Variants in ZC3H13 observed in about 807,000 individuals in gnomAD.
The protein encoded by ZC3H13 is zinc finger CCCH-type containing 13.
A neutral mutation model predicts 204.1 loss-of-function variants in ZC3H13; 64 were observed. The observed-to-expected ratio is 0.31, with a 90% CI of 0.26 to 0.39. The LOEUF is 0.39. Ranked by LOEUF, ZC3H13 falls within the 10% of genes least tolerant of loss-of-function variation. The probability of loss-of-function intolerance (pLI) is 1.00; values close to 1 mark genes in which losing one functional copy is unlikely to be tolerated. For missense variants in ZC3H13, 1,833 were observed against 2,082.7 expected (o/e 0.88, Z 2.33); for synonymous variants, 667 against 693.7 (o/e 0.96, Z 0.60).
chr13:46,031,331 AT>A (rs1593760357), intron 4 of ZC3H13, among the ~76,000 whole-genome samples: 1 of 152,130 alleles, frequency 6.6e-6, no homozygotes, highest in Admixed American at 6.5e-5. Context: ...GACAAAAAAA[AT>A]AAAACTCCTA....
In ZC3H13 at chr13:46,016,730, T is replaced by A. The variant is rs1020926242; in HGVS notation, c.448+3719A>T. 2.6e-5 allele frequency among the ~76,000 whole-genome samples: 4 copies of A among 152,196 alleles called. 1 individual carries two copies. In the East Asian group the frequency reaches 7.7e-4, roughly 29 times the overall value. ...ATTGTGCATTCCTCTGAACGTATAG[T>A]ATACTTCAGTAGAAAAACTTTGTAA... On this transcript the variant is annotated intron_variant, in intron 5 of 18. Transcript: ENST00000679008.
At chr13:46,012,592 G>A (rs2041638321) in intron 5 of ZC3H13, among the ~76,000 whole-genome samples, 1 of 151,890 alleles carries the variant, frequency 6.6e-6, no homozygotes, top group African/African-American at 2.4e-5. Context: ...GGACTGAGAG[G>A]GTAACTATAT....
chr13:45,975,081 A>G (rs1011712313), intron 12 of ZC3H13, among the ~76,000 whole-genome samples: 1 of 152,072 alleles, frequency 6.6e-6, no homozygotes, highest in African/African-American at 2.4e-5. Context: ...CCTGGCCTGA[A>G]GGAATCTGCC....
At chr13:46,029,419 GACT>G (rs2042736164) in intron 4 of ZC3H13, among the ~76,000 whole-genome samples, 1 of 151,260 alleles carries the variant, frequency 6.6e-6, no homozygotes, top group African/African-American at 2.4e-5. Context: ...AGAAGAGATG[GACT>G]ACTTCTTTTT....
chr13:45,997,115 G>A (rs1267084066), intron 8 of ZC3H13, among the ~76,000 whole-genome samples: 1 of 152,210 alleles, frequency 6.6e-6, no homozygotes, highest in Non-Finnish European at 1.5e-5. Flanking sequence ...GCGTAAATGA[G>A]TAGTACTCAG....
chr13:46,049,435 T>C (rs77687985), intron 1 of ZC3H13, among the ~76,000 whole-genome samples: 18 of 152,282 alleles, frequency 1.2e-4, no homozygotes, highest in African/African-American at 4.1e-4. Context: ...TGATCATCCA[T>C]GTAAAAACTT....
intron 9 of ZC3H13, 132 bp from the exon 10 acceptor site, chr13:45,985,893 G>T: frequency 1.2e-6 from 1 of 820,082 alleles, no homozygotes; most frequent in Non-Finnish European, 1.8e-6. Context: ...AAATAAAGAA[G>T]CTAAAATTCC....
At chr13:45,984,887 A>G (rs1253585139) in intron 10 of ZC3H13, among the ~76,000 whole-genome samples, 1 of 152,228 alleles carries the variant, frequency 6.6e-6, no homozygotes, top group Non-Finnish European at 1.5e-5. Flanking sequence ...ACAAATACTG[A>G]AGAATACACA....
In ZC3H13 at chr13:46,042,213, T is replaced by A; in HGVS notation, c.290A>T (p.Asp97Val). ...ERMKNKRQDV[D>V]TEPQKRNTEE... ...TGTATTTCGTTTCTGGGGCTCAGTG[T>A]CCACGTCTTGGCGCTTGTTCTTCAT... The change falls in exon 4 of 19, where the codon GAC (aspartate) becomes GTC (valine). Residue 97 changes from aspartate to valine, a missense_variant. Asp to Val is a radical substitution (Grantham distance 152). Coordinates refer to ENST00000679008, the MANE Select transcript of ZC3H13 (RefSeq NM_001330564.2). 1 of 1,613,612 alleles carries A rather than the reference T, an allele frequency of 6.2e-7. No homozygotes were observed. The highest frequency in any genetic ancestry group is 8.5e-7 in the Non-Finnish European group (1 of 1,179,590).
intron 4 of ZC3H13, among the ~76,000 whole-genome samples, chr13:46,033,486 TCAG>T (rs1465311386): frequency 7.6e-6 from 1 of 132,240 alleles, no homozygotes; most frequent in Non-Finnish European, 1.6e-5. Flanking sequence ...ACCAAAATTT[TCAG>T]CAGAAGAGAA....
At chr13:46,029,560 C>G (rs1397228578) in intron 4 of ZC3H13, among the ~76,000 whole-genome samples, 2 of 151,344 alleles carry the variant, frequency 1.3e-5, no homozygotes, top group African/African-American at 4.9e-5. Context: ...TCCCGAGTAG[C>G]TGGGACTACA....
intron 11 of ZC3H13, among the ~76,000 whole-genome samples, chr13:45,976,609 G>A (rs911215518): frequency 6.6e-6 from 1 of 152,020 alleles, no homozygotes; most frequent in Admixed American, 6.6e-5. Flanking sequence ...TTTTTTCCAT[G>A]TACACACAAA....
chr13:46,020,398 G>A (rs760161772), intron 5 of ZC3H13, 51 bp downstream of exon 5: 1 of 1,424,650 alleles, frequency 7.0e-7, no homozygotes, highest in Non-Finnish European at 9.8e-7. Context: ...GAAAACTCTA[G>A]AAAGTAAATA....
chr13:45,992,765 T>A (rs1314703871), intron 8 of ZC3H13, among the ~76,000 whole-genome samples: 1 of 152,162 alleles, frequency 6.6e-6, no homozygotes, highest in Non-Finnish European at 1.5e-5. Context: ...AATGTGTGTA[T>A]CATCTGATCT....
At chr13:46,021,579 T>C (rs2042221920) in intron 4 of ZC3H13, among the ~76,000 whole-genome samples, 1 of 151,920 alleles carries the variant, frequency 6.6e-6, no homozygotes, top group Non-Finnish European at 1.5e-5. Flanking sequence ...CTAGTATATA[T>C]AACTGCCCCT....
chr13:45,961,273 C>A (rs1348938510), intron 17 of ZC3H13, among the ~76,000 whole-genome samples: 1 of 152,036 alleles, frequency 6.6e-6, no homozygotes, highest in African/African-American at 2.4e-5. Flanking sequence ...ATTGAGCCTA[C>A]ACCCTTCCTT....
At position 46,052,618 on chromosome 13, in the gene ZC3H13, C is replaced by T; in HGVS notation, c.-224G>A. On this transcript the variant is annotated 5_prime_UTR_variant, in exon 1 of 19. Coordinates refer to ENST00000679008, the MANE Select transcript of ZC3H13 (RefSeq NM_001330564.2). ...CAGAACCAACCCGCCCGCCGCCTCT[C>T]CAGGGTCAAGCGAAACTGGGTCGCA... The T allele has an allele frequency of 2.5e-6, 1 of 398,760 alleles. No individual in the cohort carries two copies. 24.7% of individuals were successfully genotyped at this position (398,760 alleles called of 1,614,324 possible).
At chr13:46,049,307 C>T (rs1435326626) in intron 1 of ZC3H13, among the ~76,000 whole-genome samples, 1 of 151,488 alleles carries the variant, frequency 6.6e-6, no homozygotes, top group Non-Finnish European at 1.5e-5. Flanking sequence ...CAATAATACA[C>T]ACACACATAT....
At chr13:46,014,260 C>CT (rs961020668) in intron 5 of ZC3H13, among the ~76,000 whole-genome samples, 95 of 151,934 alleles carry the variant, frequency 6.3e-4, no homozygotes, top group African/African-American at 2.1e-3. Flanking sequence ...TGGTTTGTAC[C>CT]TATAGGTACA....
Sources: gnomAD v4.1 joint callset for allele counts (sites outside exome capture counted in the v4.1 genomes callset) on GRCh38, gnomAD v4.1.1 for gene constraint, MANE v1.5 for transcripts, NCBI Gene and HGNC (gene_info 2026-07-23, HGNC 2026-07-21) for gene names.